The following IL1RAPL2 variants were observed in gnomAD, a reference collection of about 807,000 sequenced individuals.
IL1RAPL2 encodes X-linked interleukin-1 receptor accessory protein-like 2.
IL1RAPL2 carries 3 observed loss-of-function variants against 44.1 expected under a neutral mutation model. The observed-to-expected ratio is 0.07, with a 90% CI of 0.03 to 0.18. The LOEUF (loss-of-function observed/expected upper bound fraction) is 0.18, where lower values mean the gene tolerates loss of function less well. Ranked by LOEUF, IL1RAPL2 falls within the 10% of genes least tolerant of loss-of-function variation. The pLI is 1.00. For synonymous variants in IL1RAPL2, 181 were observed against 178.8 expected (o/e 1.01, Z -0.10); for missense variants, 391 against 496.4 (o/e 0.79, Z 2.02).
intron 2 of IL1RAPL2, among the ~76,000 whole-genome samples, chrX:105,170,171 T>C (rs1004984610): frequency 1.8e-5 from 2 of 111,208 alleles, no homozygotes; most frequent in African/African-American, 6.5e-5. Context: ...TGGAATCATT[T>C]GTATTTGTCA....
chrX:104,616,259 G>C (rs935664974), intron 1 of IL1RAPL2, among the ~76,000 whole-genome samples: 1 of 111,723 alleles, frequency 9.0e-6, no homozygotes, highest in African/African-American at 3.3e-5. Context: ...GTTTAATTAT[G>C]AAACTGCCTT....
chrX:105,426,481 G>C (rs958929970), intron 5 of IL1RAPL2, among the ~76,000 whole-genome samples: 8 of 111,144 alleles, frequency 7.2e-5, no homozygotes, highest in Non-Finnish European at 1.5e-4. Flanking sequence ...GCCATCCCAA[G>C]TAGCCAAGTA....
chrX:105,117,119 A>G (rs890991752), intron 2 of IL1RAPL2, among the ~76,000 whole-genome samples: 4 of 112,186 alleles, frequency 3.6e-5, no homozygotes. Context: ...CATTCAAAAC[A>G]TTTTGTGATT....
At chrX:104,678,292 A>G (rs1286248260) in intron 2 of IL1RAPL2, among the ~76,000 whole-genome samples, 1 of 112,292 alleles carries the variant, frequency 8.9e-6, no homozygotes, top group African/African-American at 3.2e-5. Flanking sequence ...TAGACAAAAC[A>G]ATACCAGAGG....
intron 6 of IL1RAPL2, among the ~76,000 whole-genome samples, chrX:105,661,421 TGAGTTTACTGGATATTTACA>T (rs2037719589): frequency 8.9e-6 from 1 of 111,994 alleles, no homozygotes; most frequent in Non-Finnish European, 1.9e-5. Context: ...ATAGACCAAA[TGAGTTTACTGGATATTTACA>T]GAACATTTCA....
intron 5 of IL1RAPL2, among the ~76,000 whole-genome samples, chrX:105,341,791 C>G (rs2035072267): frequency 9.1e-6 from 1 of 110,360 alleles, no homozygotes; most frequent in Non-Finnish European, 1.9e-5. Context: ...ATTAGCCGAG[C>G]ATGGGGGCGG....
chrX:104,794,674 T>C (rs191848647), intron 2 of IL1RAPL2, among the ~76,000 whole-genome samples: 1 of 112,289 alleles, frequency 8.9e-6, no homozygotes, highest in East Asian at 2.8e-4. Flanking sequence ...TGGAGGGATT[T>C]ATGCTGTCCT....
At chrX:105,290,679 T>A (rs1209478896) in intron 5 of IL1RAPL2, among the ~76,000 whole-genome samples, 1 of 111,126 alleles carries the variant, frequency 9.0e-6, no homozygotes, top group African/African-American at 3.3e-5. Flanking sequence ...TTCTTTATTT[T>A]CTGCTTGGAT....
chrX:104,807,623 C>G (rs1435965605), intron 2 of IL1RAPL2, among the ~76,000 whole-genome samples: 1 of 111,575 alleles, frequency 9.0e-6, no homozygotes, highest in Non-Finnish European at 1.9e-5. Flanking sequence ...TCTCAACCCC[C>G]CAGACGATCA....
intron 6 of IL1RAPL2, among the ~76,000 whole-genome samples, chrX:105,702,956 G>A (rs2038132285): frequency 9.0e-6 from 1 of 111,561 alleles, no homozygotes; most frequent in African/African-American, 3.3e-5. Flanking sequence ...ACCATTTCAA[G>A]CTAAGCAAAA....
intron 6 of IL1RAPL2, among the ~76,000 whole-genome samples, chrX:105,657,935 C>T (rs1054222463): frequency 1.8e-5 from 2 of 108,946 alleles, no homozygotes; most frequent in African/African-American, 6.7e-5. Flanking sequence ...AATCCAATGG[C>T]CTATTATAGT....
intron 6 of IL1RAPL2, among the ~76,000 whole-genome samples, chrX:105,550,481 G>C (rs778021906): frequency 2.7e-5 from 3 of 111,621 alleles, no homozygotes; most frequent in Non-Finnish European, 5.6e-5. Flanking sequence ...TCCCATCCAG[G>C]TCATTTCACT....
intron 5 of IL1RAPL2, among the ~76,000 whole-genome samples, chrX:105,396,429 G>A (rs1051047995): frequency 8.6e-5 from 9 of 104,646 alleles, no homozygotes; most frequent in African/African-American, 2.4e-4. Context: ...CAGGCTTATC[G>A]ATAAGGATTT....
At chrX:105,630,920 G>C (rs750096785) in intron 6 of IL1RAPL2, among the ~76,000 whole-genome samples, 5 of 111,020 alleles carry the variant, frequency 4.5e-5, no homozygotes, top group African/African-American at 6.6e-5. Context: ...CATTTTTTAA[G>C]TGATGAGGAT....
At chrX:105,140,533 T>A (rs1469305769) in intron 2 of IL1RAPL2, among the ~76,000 whole-genome samples, 1 of 112,226 alleles carries the variant, frequency 8.9e-6, no homozygotes, top group Non-Finnish European at 1.9e-5. Flanking sequence ...GAAAAAATCA[T>A]CCATTTGCAT....
At chrX:104,712,337 T>C (rs1176338696) in intron 2 of IL1RAPL2, among the ~76,000 whole-genome samples, 1 of 110,802 alleles carries the variant, frequency 9.0e-6, no homozygotes, top group Non-Finnish European at 1.9e-5. Context: ...GGTTAATGTA[T>C]TTTTGCCTCC....
intron 5 of IL1RAPL2, among the ~76,000 whole-genome samples, chrX:105,305,796 G>T (rs1448847297): frequency 9.0e-6 from 1 of 111,502 alleles, no homozygotes; most frequent in East Asian, 2.8e-4. Flanking sequence ...AAGAGCTTAG[G>T]ATACAAAATT....
chrX:105,203,629 A>G (rs2033736394), intron 3 of IL1RAPL2, among the ~76,000 whole-genome samples: 1 of 112,212 alleles, frequency 8.9e-6, no homozygotes, highest in African/African-American at 3.2e-5. Flanking sequence ...ACCTGCTCTT[A>G]TAAAAGTGTC....
At chrX:105,608,092 T>C (rs1205352700) in intron 6 of IL1RAPL2, among the ~76,000 whole-genome samples, 1 of 111,442 alleles carries the variant, frequency 9.0e-6, no homozygotes, top group Non-Finnish European at 1.9e-5. Context: ...TTTAAGGGAA[T>C]ACTCTGATTC....
Sources: gnomAD v4.1 joint callset for allele counts (sites outside exome capture counted in the v4.1 genomes callset) on GRCh38, gnomAD v4.1.1 for gene constraint, MANE v1.5 for transcripts, NCBI Gene and HGNC (gene_info 2026-07-23, HGNC 2026-07-21) for gene names.